Variants in PROS1 observed in about 807,000 individuals in gnomAD.
PROS1 encodes the protein protein S, also known as vitamin K-dependent protein S.
PROS1 carries 29 observed loss-of-function variants against 75.9 expected under a neutral mutation model. That is an observed-to-expected ratio of 0.38 (90% CI 0.28 to 0.52). The LOEUF (loss-of-function observed/expected upper bound fraction) is 0.52. Ranked by LOEUF, PROS1 falls within the 20% of genes least tolerant of loss-of-function variation. The pLI is 0.83. For synonymous variants in PROS1, 245 were observed against 280.6 expected, an observed-to-expected ratio of 0.87 and a Z score of 1.27; for missense variants, 680 against 810.3, an observed-to-expected ratio of 0.84 and a Z score of 1.95.
chr3:93,876,759 G>T (rs1246548667), intron 14 of PROS1, among the ~76,000 whole-genome samples: 1 of 151,934 alleles, frequency 6.6e-6, no homozygotes, highest in African/African-American at 2.4e-5. Flanking sequence ...AGCAAAACTT[G>T]ATCAGCCTTA....
chr3:93,888,468 G>T (rs1175886501), intron 10 of PROS1, among the ~76,000 whole-genome samples: 3 of 151,976 alleles, frequency 2.0e-5, no homozygotes, highest in East Asian at 3.8e-4. Flanking sequence ...TTTTGATTGG[G>T]TATATGTGAA....
chr3:93,946,447 C>A (rs995651948), intron 1 of PROS1, among the ~76,000 whole-genome samples: 12 of 152,054 alleles, frequency 7.9e-5, no homozygotes, highest in African/African-American at 2.9e-4. Flanking sequence ...GGTACTGGTA[C>A]CAAAACAGAG....
chr3:93,885,037 C>A (rs1339188498), intron 11 of PROS1, 141 bp from the exon 12 acceptor site: 8 of 800,174 alleles, frequency 1.0e-5, no homozygotes, highest in Admixed American at 8.9e-5. Flanking sequence ...TTAAGTTTTT[C>A]TTTTCAAAGT....
chr3:93,897,962 G>T (rs1181110862), intron 8 of PROS1, among the ~76,000 whole-genome samples: 2 of 151,932 alleles, frequency 1.3e-5, no homozygotes, highest in Admixed American at 1.3e-4. Flanking sequence ...TCCTAGAAAT[G>T]GTTAAAAGGG....
chr3:93,955,542 C>T (rs150541253), intron 1 of PROS1, among the ~76,000 whole-genome samples: 26 of 150,600 alleles, frequency 1.7e-4, no homozygotes, highest in East Asian at 1.6e-3. Flanking sequence ...CAGTTGGACA[C>T]GGGATGGAGA....
chr3:93,970,671 C>A (rs965573460), intron 1 of PROS1, among the ~76,000 whole-genome samples: 1 of 150,254 alleles, frequency 6.7e-6, no homozygotes, highest in African/African-American at 2.4e-5. Flanking sequence ...TATAGAGATT[C>A]TCATCTCTCT....
intron 1 of PROS1, among the ~76,000 whole-genome samples, chr3:93,972,814 A>C (rs1447526911): frequency 1.3e-5 from 2 of 152,198 alleles, no homozygotes; most frequent in Admixed American, 6.5e-5. Flanking sequence ...CAGCCACTGC[A>C]GTCCAGCCTG....
At chr3:93,964,295 C>A (rs1447770278) in intron 1 of PROS1, among the ~76,000 whole-genome samples, 1 of 152,138 alleles carries the variant, frequency 6.6e-6, no homozygotes, top group South Asian at 2.1e-4. Flanking sequence ...TTGCAGAGAG[C>A]CTATAAATGG....
intron 1 of PROS1, among the ~76,000 whole-genome samples, chr3:93,951,091 T>A (rs1250627301): frequency 6.6e-6 from 1 of 152,116 alleles, no homozygotes; most frequent in African/African-American, 2.4e-5. Flanking sequence ...AATATGGGAC[T>A]ATGTGAAAAG....
intron 9 of PROS1, among the ~76,000 whole-genome samples, chr3:93,893,523 T>C (rs2107150926): frequency 6.6e-6 from 1 of 152,328 alleles, no homozygotes; most frequent in Non-Finnish European, 1.5e-5. Flanking sequence ...AGTGGTAGTT[T>C]TTTTTGTTGT....
intron 1 of PROS1, among the ~76,000 whole-genome samples, chr3:93,970,027 C>A (rs1221669647): frequency 1.3e-5 from 2 of 152,180 alleles, no homozygotes; most frequent in Non-Finnish European, 2.9e-5. Flanking sequence ...TCTTCCAGCA[C>A]AAACTCCAAC....
chr3:93,927,772 T>C (rs1008820238), intron 1 of PROS1, among the ~76,000 whole-genome samples: 10 of 149,796 alleles, frequency 6.7e-5, no homozygotes, highest in East Asian at 5.9e-4. Flanking sequence ...GAGGCTGATG[T>C]GGGAGGTCCA....
At chr3:93,887,200 G>C (rs368889560) in intron 10 of PROS1, among the ~76,000 whole-genome samples, 2 of 151,938 alleles carry the variant, frequency 1.3e-5, no homozygotes, top group Non-Finnish European at 2.9e-5. Flanking sequence ...TTACAGGCGT[G>C]AGCCACCGCG....
chr3:93,915,338 C>A (rs2107184854), intron 3 of PROS1, among the ~76,000 whole-genome samples: 1 of 152,158 alleles, frequency 6.6e-6, no homozygotes, highest in Non-Finnish European at 1.5e-5. Context: ...TGGTGGCACA[C>A]ACCTGTAATC....
chr3:93,914,858 T>C (rs1322924663), intron 3 of PROS1, among the ~76,000 whole-genome samples: 4 of 152,200 alleles, frequency 2.6e-5, no homozygotes, highest in Admixed American at 1.3e-4. Flanking sequence ...CCAAAGTCCA[T>C]TGTATTATTC....
At chr3:93,951,768 T>A (rs1378298558) in intron 1 of PROS1, among the ~76,000 whole-genome samples, 1 of 152,192 alleles carries the variant, frequency 6.6e-6, no homozygotes, top group Non-Finnish European at 1.5e-5. Context: ...AATGCTCCAA[T>A]TAAAAGACAT....
chr3:93,952,596 T>C (rs1185498642), intron 1 of PROS1, among the ~76,000 whole-genome samples: 3 of 152,154 alleles, frequency 2.0e-5, no homozygotes, highest in Middle Eastern at 3.2e-3. Flanking sequence ...GAGGGAAATT[T>C]ATAGAACTAA....
chr3:93,895,767 C>T (rs1027306346), intron 9 of PROS1, among the ~76,000 whole-genome samples: 3 of 152,070 alleles, frequency 2.0e-5, no homozygotes, highest in Non-Finnish European at 4.4e-5. Context: ...GAGTTTGAGA[C>T]AACCCTGGGC....
rs1380572302 is a variant in PROS1 at position 93,919,238 on chromosome 3, C to T, written c.259+5002G>A. ...CATTAAATAGGAATGTACTTAATGGCTCTCAGAGGTGCATTCTCACCAGTG... is the reference window on the plus strand; with the variant it reads ...CATTAAATAGGAATGTACTTAATGGTTCTCAGAGGTGCATTCTCACCAGTG... On this transcript the variant is annotated intron_variant, in intron 3 of 14. Transcript: ENST00000394236. 2.0e-5 allele frequency among the ~76,000 whole-genome samples: 3 copies of T among 152,178 alleles called. No individual in the cohort carries two copies. In the East Asian group the frequency reaches 5.8e-4, roughly 29 times the overall value.
Sources: gnomAD v4.1 joint callset for allele counts (sites outside exome capture counted in the v4.1 genomes callset) on GRCh38, gnomAD v4.1.1 for gene constraint, MANE v1.5 for transcripts, NCBI Gene and HGNC (gene_info 2026-07-23, HGNC 2026-07-21) for gene names.